The following ELAPOR1 variants were observed in gnomAD, a reference collection of about 807,000 sequenced individuals.
ELAPOR1 encodes endosome/lysosome-associated apoptosis and autophagy regulator 1.
ELAPOR1 carries 77 observed loss-of-function variants against 119.7 expected under a neutral mutation model. That is an observed-to-expected ratio of 0.64 (90% CI 0.54 to 0.78). ELAPOR1 has a LOEUF of 0.78. ELAPOR1 is among the 30% of genes least tolerant of loss of function. The pLI, the probability that ELAPOR1 is intolerant of heterozygous loss-of-function variation, is 0.00. For missense variants in ELAPOR1, 1,115 were observed against 1,270.4 expected, an observed-to-expected ratio of 0.88 and a Z score of 1.86; for synonymous variants, 481 against 487.2, an observed-to-expected ratio of 0.99 and a Z score of 0.17.
At position 109,189,138 on chromosome 1, in the gene ELAPOR1, C is replaced by T; in HGVS notation, c.1292C>T (p.Thr431Ile). The T allele has an allele frequency of 1.2e-6, 2 of 1,609,840 alleles. No homozygotes were observed. The highest frequency in any genetic ancestry group is 1.7e-6 in the Non-Finnish European group (2 of 1,177,658). ...TACAAATGGTGGAACACGCTGCCCA[C>T]AAACATGGAAACGACCGTTCTCAGT... ...FEYKWWNTLP[T>I]NMETTVLSGI... Residue 431 changes from threonine to isoleucine, a missense_variant, in exon 10 of 22, where the codon ACA (threonine) becomes ATA (isoleucine). Transcript: ENST00000369939.
At chr1:109,148,994 C>T (rs1650357320) in intron 1 of ELAPOR1, among the ~76,000 whole-genome samples, 1 of 152,164 alleles carries the variant, frequency 6.6e-6, no homozygotes, top group African/African-American at 2.4e-5. Context: ...ACCTGAGGGA[C>T]TGGCCGCAGT....
chr1:109,115,802 A>G (rs1437422613), intron 1 of ELAPOR1, among the ~76,000 whole-genome samples: 2 of 152,224 alleles, frequency 1.3e-5, no homozygotes, highest in Admixed American at 6.5e-5. Flanking sequence ...AACCTTTATT[A>G]GCTCCAATGA....
chr1:109,144,061 A>ATATATATATATTTTTTTTTTTTTTTTT, intron 1 of ELAPOR1, among the ~76,000 whole-genome samples: 2 of 88,992 alleles, frequency 2.2e-5, no homozygotes, highest in African/African-American at 9.6e-5. Context: ...ATATTTATAT[A>ATATATATATATTTTTTTTTTTTTTTTT]TTTTTTTTTT....
At chr1:109,150,049 G>A (rs1344081522) in intron 1 of ELAPOR1, among the ~76,000 whole-genome samples, 12 of 152,236 alleles carry the variant, frequency 7.9e-5, no homozygotes, top group Admixed American at 7.9e-4. Context: ...GGACTGGTCA[G>A]TGTTTTCCAA....
chr1:109,171,828 T>C, intron 3 of ELAPOR1, 38 bp from the exon 4 acceptor site: 1 of 1,610,678 alleles, frequency 6.2e-7, no homozygotes, highest in Non-Finnish European at 8.5e-7. Flanking sequence ...TGGTGGGCTG[T>C]GCTCCTGCCT....
rs150199771 is a variant in ELAPOR1 at position 109,199,857 on chromosome 1, G to A, written c.2505G>A (p.Thr835=). The change falls in exon 19 of 22, where the codon ACG becomes ACA. Residue 835 remains threonine (T), a synonymous_variant. Coordinates refer to ENST00000369939, the MANE Select transcript of ELAPOR1 (RefSeq NM_020775.5). ...GGTCTCTTTTCTGCTTTGCTAGAAC[G>A]TGCTCGGATGGGACCTGTGATGGCT... is the stretch of plus-strand genomic sequence containing the variant. ...TVPGSLLLPG[T]CSDGTCDGCN... is the part of the protein sequence containing the mutation. The A allele has an allele frequency of 2.0e-5, 32 of 1,611,462 alleles. No individual in the cohort carries two copies. The African/African-American group carries it at 2.1e-4, about 11-fold the overall frequency.
At chr1:109,162,149 C>G (rs1258614972) in intron 2 of ELAPOR1, 135 bp downstream of exon 2, 1 of 934,560 alleles carries the variant, frequency 1.1e-6, no homozygotes, top group African/African-American at 1.6e-5. Flanking sequence ...CAATTAGTCC[C>G]CACATCCCAG....
rs770279178 is a variant in ELAPOR1, at chr1:109,197,476, T to C, written c.2124T>C (p.Gly708=). 8 of 1,613,634 alleles carry C rather than the reference T, an allele frequency of 5.0e-6. No homozygotes were observed. The highest frequency in any genetic ancestry group is 2.2e-5 in the East Asian group (1 of 44,866). Reference sequence around the variant, plus strand: ...CTTCCTCCCCACTCCCCAACCAGGGTAGGAAAATGTCTGTGTGCACCGACA... The same window carrying C: ...CTTCCTCCCCACTCCCCAACCAGGGCAGGAAAATGTCTGTGTGCACCGACA... ...HFTLSLCGNQ[G]RKMSVCTDNV... Residue 708 remains glycine, a splice_region_variant and synonymous_variant, in exon 16 of 22, where the codon GGT becomes GGC. Transcript: ENST00000369939.
chr1:109,123,388 G>T (rs964691249), intron 1 of ELAPOR1, among the ~76,000 whole-genome samples: 5 of 152,194 alleles, frequency 3.3e-5, no homozygotes, highest in African/African-American at 9.7e-5. Flanking sequence ...TATGCCACAA[G>T]ATCTTTTATA....
At chr1:109,125,652 G>A (rs1196054115) in intron 1 of ELAPOR1, among the ~76,000 whole-genome samples, 1 of 152,090 alleles carries the variant, frequency 6.6e-6, no homozygotes, top group Non-Finnish European at 1.5e-5. Context: ...CCAAAGTGCT[G>A]GGATTACAGG....
chr1:109,119,435 C>T (rs185615123), intron 1 of ELAPOR1, among the ~76,000 whole-genome samples: 105 of 151,476 alleles, frequency 6.9e-4, no homozygotes, highest in African/African-American at 2.2e-3. Context: ...CTGCCTGCCT[C>T]GGCCTCCCAA....
intron 8 of ELAPOR1, chr1:109,186,784 A>T: frequency 1.0e-6 from 1 of 985,520 alleles, no homozygotes; most frequent in South Asian, 4.7e-5. Context: ...CTTCTGCCCC[A>T]TTCTCTTCCC....
chr1:109,185,608 G>A (rs535073832), intron 8 of ELAPOR1, among the ~76,000 whole-genome samples: 9 of 152,056 alleles, frequency 5.9e-5, no homozygotes, highest in Non-Finnish European at 1.3e-4. Context: ...TTCCCTCCTA[G>A]TCTACACTGT....
intron 8 of ELAPOR1, chr1:109,186,730 C>A: frequency 5.1e-6 from 5 of 985,552 alleles, no homozygotes; most frequent in Non-Finnish European, 6.0e-6. Context: ...TGCTCTTCTC[C>A]CTCCTGTTCA....
chr1:109,197,834 A>T, intron 16 of ELAPOR1, 145 bp from the exon 17 acceptor site: 1 of 989,968 alleles, frequency 1.0e-6, no homozygotes, highest in East Asian at 2.5e-5. Context: ...AGGGACTCTG[A>T]CAAACCCTTG....
chr1:109,146,824 C>T (rs998725748), intron 1 of ELAPOR1, among the ~76,000 whole-genome samples: 1 of 152,096 alleles, frequency 6.6e-6, no homozygotes, highest in Admixed American at 6.6e-5. Flanking sequence ...ACTGTAACCT[C>T]AAACTCCTGG....
intron 1 of ELAPOR1, among the ~76,000 whole-genome samples, chr1:109,116,508 C>T (rs936328461): frequency 1.3e-5 from 2 of 152,168 alleles, no homozygotes; most frequent in Non-Finnish European, 2.9e-5. Flanking sequence ...TGTTTACATT[C>T]TCCTTGAGCA....
intron 11 of ELAPOR1, among the ~76,000 whole-genome samples, chr1:109,190,233 G>A (rs372074399): frequency 3.9e-5 from 6 of 152,146 alleles, no homozygotes; most frequent in African/African-American, 1.4e-4. Flanking sequence ...CTTACTGGCC[G>A]TGCGACCTTA....
intron 10 of ELAPOR1, 60 bp downstream of exon 10, chr1:109,189,254 A>G (rs933546569): frequency 6.4e-7 from 1 of 1,568,218 alleles, no homozygotes; most frequent in Non-Finnish European, 8.7e-7. Context: ...AGTTCTTCCA[A>G]CTTCACATTT....
Sources: allele counts gnomAD v4.1 joint callset (sites outside exome capture counted in the v4.1 genomes callset), GRCh38; gene constraint gnomAD v4.1.1; transcripts MANE v1.5; gene names NCBI Gene and HGNC (gene_info 2026-07-23, HGNC 2026-07-21).